LYPD8: variants seen among roughly 807,000 people sequenced by gnomAD.
The protein encoded by LYPD8 is LY6/PLAUR domain containing 8, also known as ly6/PLAUR domain-containing protein 8.
In LYPD8, 8 loss-of-function variants were observed where a neutral mutation model predicts 1.7. The observed-to-expected ratio is 4.58, with a 90% CI of 2.69 to 8.27. The LOEUF is 8.27. Among genes scored for constraint, LYPD8 ranks in the 30% most tolerant of loss-of-function variants. The pLI is 0.00. For missense variants in LYPD8, 112 were observed against 102.3 expected (o/e 1.09, Z -0.41); for synonymous variants, 50 against 43.6 (o/e 1.15, Z -0.58).
At chr1:248,751,633 T>C (rs1662804293) in intron 2 of LYPD8, among the ~76,000 whole-genome samples, 1 of 152,232 alleles carries the variant, frequency 6.6e-6, no homozygotes, top group Admixed American at 6.5e-5. Flanking sequence ...TTAATTTATG[T>C]AATTCATCTA....
intron 6 of LYPD8, among the ~76,000 whole-genome samples, chr1:248,741,911 AG>A (rs782207692): frequency 9.4e-4 from 143 of 152,330 alleles, no homozygotes; most frequent in South Asian, 2.3e-3. Context: ...AAAACTCTGG[AG>A]GCAATAACAA....
intron 6 of LYPD8, among the ~76,000 whole-genome samples, chr1:248,744,631 G>A (rs114283197): frequency 0.033 from 4,342 of 131,824 alleles, 301 homozygotes; most frequent in African/African-American, 0.14. Flanking sequence ...AATGGGTAGT[G>A]TCAAATGTGT....
rs928222648 is a variant in LYPD8 at position 248,745,251 on chromosome 1, G to C, written c.366C>G (p.Asn122Lys). 1 of 398,466 alleles carries C rather than the reference G, an allele frequency of 2.5e-6. No homozygotes were observed. The highest frequency in any genetic ancestry group is 4.4e-6 in the Non-Finnish European group (1 of 226,072). The allele number at this position is 398,466 out of a possible 1,614,324, so 24.7% of individuals were successfully genotyped here. ...ATTCATAACAAGCAGGGCACTCTGC[G>C]TTGCTGGACACGTTCTTCAGGGGAG... is the stretch of plus-strand genomic sequence containing the variant. ...LDPPLKNVSS[N>K]AECPACYESN... Residue 122 changes from asparagine (N) to lysine (K), a missense_variant, in exon 6 of 7, where the codon AAC (asparagine) becomes AAG (lysine). Transcript: ENST00000590317.
chr1:248,745,692 A>C (rs1005859556), intron 5 of LYPD8, among the ~76,000 whole-genome samples: 3 of 152,314 alleles, frequency 2.0e-5, no homozygotes, highest in African/African-American at 7.2e-5. Flanking sequence ...AAAAATTTAC[A>C]ATGAGACCAG....
At chr1:248,743,854 G>C (rs73148532) in intron 6 of LYPD8, among the ~76,000 whole-genome samples, 11,557 of 152,278 alleles carry the variant, frequency 0.076, 1,445 homozygotes, top group African/African-American at 0.26. Flanking sequence ...GACCCGGTGA[G>C]TGGGGGCCAG....
At chr1:248,744,245 C>CA (rs1662681290) in intron 6 of LYPD8, among the ~76,000 whole-genome samples, 1 of 152,170 alleles carries the variant, frequency 6.6e-6, no homozygotes, top group East Asian at 1.9e-4. Context: ...CTGTAAGTCA[C>CA]ATGTTAATGC....
At chr1:248,744,465 GAAATGTGTATTTTACAATGGTTAGTATC>G (rs1553283947) in intron 6 of LYPD8, among the ~76,000 whole-genome samples, 3 of 152,328 alleles carry the variant, frequency 2.0e-5, no homozygotes, top group East Asian at 3.9e-4. Flanking sequence ...GCAAATGTTA[GAAATGTGTATTTTACAATGGTTAGTATC>G]AAATGTGGAT....
intron 2 of LYPD8, among the ~76,000 whole-genome samples, chr1:248,752,761 CCA>C (rs1662827725): frequency 1.8e-5 from 2 of 108,136 alleles, no homozygotes; most frequent in Non-Finnish European, 3.9e-5. Context: ...CCCACACACA[CCA>C]CACACCCCAC....
chr1:248,750,388 G>C (rs1488871904), intron 4 of LYPD8, 136 bp downstream of exon 4: 3 of 394,944 alleles, frequency 7.6e-6, no homozygotes, highest in Non-Finnish European at 8.9e-6. Flanking sequence ...TTTCTCCTGG[G>C]AGTCACCTTT....
At position 248,752,917 on chromosome 1, in the gene LYPD8, A is replaced by AAACACCCCACACAACACAC. The variant is rs1662839815; in HGVS notation, c.-49-1788_-49-1787insGTGTGTTGTGTGGGGTGTT. 2.2e-3 allele frequency among the ~76,000 whole-genome samples: 157 copies of AAACACCCCACACAACACAC among 70,842 alleles called. 4 individuals are homozygous for AAACACCCCACACAACACAC. The highest frequency in any genetic ancestry group is 5.6e-3 in the African/African-American group (79 of 14,138). 46.5% of individuals were successfully genotyped at this position (70,842 alleles called of 152,430 possible). On this transcript the variant is annotated intron_variant, in intron 2 of 6. Coordinates refer to ENST00000590317, the MANE Select transcript of LYPD8 (RefSeq NM_001085474.2). ...ACACATCACACACACCCCACACACC[A>AAACACCCCACACAACACAC]ACACACCACATCACACACACACCAC...
intron 2 of LYPD8, among the ~76,000 whole-genome samples, chr1:248,753,258 C>CAA (rs1662856798): frequency 7.7e-5 from 7 of 90,396 alleles, no homozygotes; most frequent in Admixed American, 2.1e-4. Context: ...ACAACACACA[C>CAA]CGCATCACAC....
intron 2 of LYPD8, among the ~76,000 whole-genome samples, chr1:248,754,464 C>CATCACACA (rs1180877693): frequency 0.027 from 4,052 of 150,990 alleles, 194 homozygotes; most frequent in African/African-American, 0.093. Flanking sequence ...CCCACACACA[C>CATCACACA]CATATCACAC....
chr1:248,744,474 A>AT (rs1553283948), intron 6 of LYPD8, among the ~76,000 whole-genome samples: 2 of 152,254 alleles, frequency 1.3e-5, no homozygotes, highest in African/African-American at 2.4e-5. Context: ...AGAAATGTGT[A>AT]TTTTACAATG....
At position 248,755,757 on chromosome 1, in the gene LYPD8, C is replaced by T. The variant is rs987457385; in HGVS notation, c.-250G>A. 6.6e-6 allele frequency: 1 copy of T among 152,266 alleles called. No homozygotes were observed. The highest frequency in any genetic ancestry group is 1.5e-5 in the Non-Finnish European group (1 of 68,074). 9.4% of individuals were successfully genotyped at this position (152,266 alleles called of 1,614,324 possible). On this transcript the variant is annotated 5_prime_UTR_variant, in exon 1 of 7. Transcript: ENST00000590317. Reference sequence around the variant, plus strand: ...TACAGAAGGTGGTTCCCAGTAGAGGCTTAGGGCTGGTATGGGAGAGGCCTT... The same window carrying T: ...TACAGAAGGTGGTTCCCAGTAGAGGTTTAGGGCTGGTATGGGAGAGGCCTT...
At chr1:248,744,022 C>T (rs1662675020) in intron 6 of LYPD8, among the ~76,000 whole-genome samples, 1 of 152,214 alleles carries the variant, frequency 6.6e-6, no homozygotes, top group Admixed American at 6.5e-5. Flanking sequence ...ATTTCTAAGA[C>T]AGTGTATACT....
intron 2 of LYPD8, among the ~76,000 whole-genome samples, chr1:248,753,590 CAACACA>C (rs1233191263): frequency 8.4e-6 from 1 of 118,364 alleles, no homozygotes; most frequent in Non-Finnish European, 1.8e-5. Context: ...ACAACACACA[CAACACA>C]ACACACACAC....
intron 2 of LYPD8, among the ~76,000 whole-genome samples, chr1:248,751,449 A>G (rs1231095230): frequency 6.6e-6 from 1 of 152,114 alleles, no homozygotes; most frequent in African/African-American, 2.4e-5. Context: ...GTCCAAGAAG[A>G]AAGAGCTGGG....
At chr1:248,743,986 A>G (rs937652230) in intron 6 of LYPD8, among the ~76,000 whole-genome samples, 1 of 152,238 alleles carries the variant, frequency 6.6e-6, no homozygotes, top group African/African-American at 2.4e-5. Context: ...TTAACTAGTT[A>G]AGGTTTCTAA....
At chr1:248,742,217 G>A (rs551148474) in intron 6 of LYPD8, among the ~76,000 whole-genome samples, 17 of 146,850 alleles carry the variant, frequency 1.2e-4, no homozygotes, top group African/African-American at 4.1e-4. Flanking sequence ...GGCAGCGGGG[G>A]AGATTACGCT....
Sources: gnomAD v4.1 joint callset for allele counts (sites outside exome capture counted in the v4.1 genomes callset) on GRCh38, gnomAD v4.1.1 for gene constraint, MANE v1.5 for transcripts, NCBI Gene and HGNC (gene_info 2026-07-23, HGNC 2026-07-21) for gene names.